SORCS1: variants seen among roughly 807,000 people sequenced by gnomAD.
The protein encoded by SORCS1 is VPS10 domain-containing receptor SorCS1.
SORCS1 carries 60 observed loss-of-function variants against 146.1 expected under a neutral mutation model. The observed-to-expected ratio is 0.41, with a 90% CI of 0.33 to 0.51. SORCS1 has a LOEUF of 0.51. SORCS1 is among the 20% of genes least tolerant of loss of function. The pLI is 0.21. For synonymous variants in SORCS1, 637 were observed against 584.0 expected, an observed-to-expected ratio of 1.09 and a Z score of -1.31; for missense variants, 1,352 against 1,487.6, an observed-to-expected ratio of 0.91 and a Z score of 1.50.
intron 13 of SORCS1, among the ~76,000 whole-genome samples, 169 bp downstream of exon 13, chr10:106,677,144 C>G (rs758928712): frequency 3.9e-5 from 6 of 152,180 alleles, no homozygotes; most frequent in Non-Finnish European, 7.3e-5. Context: ...TTTGTTGTCT[C>G]AGTGGATTGG....
chr10:106,635,548 G>A (rs1266359372), intron 18 of SORCS1, among the ~76,000 whole-genome samples: 2 of 152,108 alleles, frequency 1.3e-5, no homozygotes, highest in Admixed American at 1.3e-4. Flanking sequence ...GGGCAGGAAG[G>A]GATCAGCTGG....
chr10:107,167,335 A>G (rs1970076762), upstream of SORCS1, among the ~76,000 whole-genome samples: 1 of 152,240 alleles, frequency 6.6e-6, no homozygotes, highest in African/African-American at 2.4e-5. Flanking sequence ...TCAATCCAAC[A>G]ACCCACTAAG....
intron 6 of SORCS1, among the ~76,000 whole-genome samples, chr10:106,721,151 G>A (rs1275439335): frequency 6.6e-6 from 1 of 151,960 alleles, no homozygotes; most frequent in Admixed American, 6.6e-5. Context: ...ATAGAAGAGA[G>A]GTGAGAATGT....
chr10:106,876,983 C>T (rs1950610380), intron 2 of SORCS1, among the ~76,000 whole-genome samples: 1 of 152,098 alleles, frequency 6.6e-6, no homozygotes, highest in African/African-American at 2.4e-5. Flanking sequence ...GTACTGTTTC[C>T]TTTGTAAAGT....
At chr10:106,891,624 C>T (rs1951241314) in intron 2 of SORCS1, among the ~76,000 whole-genome samples, 2 of 151,674 alleles carry the variant, frequency 1.3e-5, no homozygotes, top group Admixed American at 1.3e-4. Context: ...TTTGGCCTTC[C>T]AAGTCACTGA....
chr10:106,756,295 A>G (rs1051210302), intron 5 of SORCS1, among the ~76,000 whole-genome samples: 1 of 152,232 alleles, frequency 6.6e-6, no homozygotes, highest in East Asian at 1.9e-4. Flanking sequence ...TGGGCATTCA[A>G]TATGGTTCTT....
At chr10:107,072,608 C>T (rs1243501879) in intron 1 of SORCS1, among the ~76,000 whole-genome samples, 2 of 151,296 alleles carry the variant, frequency 1.3e-5, no homozygotes, top group African/African-American at 4.9e-5. Flanking sequence ...CATACATACA[C>T]ATATATATAT....
intron 1 of SORCS1, among the ~76,000 whole-genome samples, chr10:107,132,612 C>A (rs1346619134): frequency 2.0e-5 from 3 of 152,174 alleles, no homozygotes; most frequent in Non-Finnish European, 4.4e-5. Context: ...AAATAAAGGG[C>A]TGGCTAAGCA....
intron 1 of SORCS1, among the ~76,000 whole-genome samples, chr10:107,057,871 C>T (rs1321518278): frequency 1.3e-5 from 2 of 152,080 alleles, no homozygotes; most frequent in Non-Finnish European, 2.9e-5. Context: ...GCAGTGGCTA[C>T]TCACAGGCAT....
chr10:106,647,500 A>G (rs1415003921), intron 18 of SORCS1, among the ~76,000 whole-genome samples: 2 of 152,086 alleles, frequency 1.3e-5, no homozygotes, highest in Non-Finnish European at 1.5e-5. Context: ...GTTTGAAATT[A>G]GTAATTAAGA....
At chr10:107,014,992 C>A (rs557144900) in intron 1 of SORCS1, among the ~76,000 whole-genome samples, 426 of 152,260 alleles carry the variant, frequency 2.8e-3, no homozygotes, top group Non-Finnish European at 4.9e-3. Flanking sequence ...AATCAATATC[C>A]CATGCTTAGG....
chr10:106,657,239 T>C (rs530911990), intron 17 of SORCS1, among the ~76,000 whole-genome samples: 1 of 152,190 alleles, frequency 6.6e-6, no homozygotes, highest in South Asian at 2.1e-4. Context: ...ATAAAGGAAA[T>C]GTGGTGTACA....
chr10:106,821,526 T>C (rs990526619), intron 3 of SORCS1, among the ~76,000 whole-genome samples: 5 of 152,226 alleles, frequency 3.3e-5, no homozygotes, highest in African/African-American at 1.2e-4. Context: ...ATGATTAATA[T>C]GTAATGCATT....
At chr10:106,714,807 G>A (rs1487862405) in intron 6 of SORCS1, among the ~76,000 whole-genome samples, 2 of 152,132 alleles carry the variant, frequency 1.3e-5, no homozygotes, top group Non-Finnish European at 2.9e-5. Flanking sequence ...GGACTTGTGA[G>A]ATCAACTGTC....
intron 1 of SORCS1, among the ~76,000 whole-genome samples, chr10:107,019,149 G>C (rs1420175745): frequency 6.6e-6 from 1 of 152,184 alleles, no homozygotes; most frequent in Non-Finnish European, 1.5e-5. Flanking sequence ...ATGCAGACTA[G>C]TGGGTAAACT....
At chr10:106,596,539 TCAC>T (rs1845915411) in intron 24 of SORCS1, among the ~76,000 whole-genome samples, 1 of 152,162 alleles carries the variant, frequency 6.6e-6, no homozygotes, top group Non-Finnish European at 1.5e-5. Flanking sequence ...TCCCCCATCC[TCAC>T]CACCACCTTC....
At chr10:107,020,858 A>G (rs962132625) in intron 1 of SORCS1, among the ~76,000 whole-genome samples, 3 of 152,204 alleles carry the variant, frequency 2.0e-5, no homozygotes, top group Admixed American at 6.5e-5. Flanking sequence ...CTACAGCACT[A>G]AATTCTCAAC....
At chr10:106,588,535 C>A (rs1019577903) in intron 24 of SORCS1, among the ~76,000 whole-genome samples, 3 of 152,138 alleles carry the variant, frequency 2.0e-5, no homozygotes, top group African/African-American at 4.8e-5. Flanking sequence ...AGGCCACCGT[C>A]GTAAGCATCA....
chr10:106,894,988 A>T (rs1951411431), intron 2 of SORCS1, among the ~76,000 whole-genome samples: 1 of 152,178 alleles, frequency 6.6e-6, no homozygotes, highest in Non-Finnish European at 1.5e-5. Flanking sequence ...AGCTTTTTTC[A>T]TGATTGATAT....
Sources: gnomAD v4.1 joint callset for allele counts (sites outside exome capture counted in the v4.1 genomes callset) on GRCh38, gnomAD v4.1.1 for gene constraint, MANE v1.5 for transcripts, NCBI Gene and HGNC (gene_info 2026-07-23, HGNC 2026-07-21) for gene names.